MIB2: variants seen among roughly 807,000 people sequenced by gnomAD.
MIB2 encodes MIB E3 ubiquitin protein ligase 2, also known as E3 ubiquitin-protein ligase MIB2.
A neutral mutation model predicts 96.6 loss-of-function variants in MIB2; 78 were observed. The ratio of observed to expected loss-of-function variants is 0.81; its 90% CI spans 0.67 to 0.97. MIB2 has a LOEUF of 0.97. Among genes scored for constraint, MIB2 ranks in the 50% least tolerant of loss-of-function variants. The pLI is 0.00. For synonymous variants in MIB2, 820 were observed against 629.5 expected (o/e 1.30, Z -4.53); for missense variants, 1,543 against 1,424.0 (o/e 1.08, Z -1.35).
In MIB2 at chr1:1,624,937, C is replaced by CTG. The variant is rs1029398448; in HGVS notation, c.526+39_526+40dup. On this transcript the variant is annotated intron_variant, in intron 5 of 19. Coordinates refer to ENST00000355826, the MANE Select transcript of MIB2 (RefSeq NM_001170687.4). ...GCAGAGGGGCGGGGTCAGGGCTGGG[C>CTG]TGTGGCTGGCTCATGGCTCAGCCTT... 7 of 1,607,148 alleles carry CTG rather than the reference C, an allele frequency of 4.4e-6. No individual in the cohort carries two copies. In the African/African-American group the frequency reaches 8.0e-5, roughly 18 times the overall value.
In MIB2 at chr1:1,626,944, C is replaced by T. The variant is rs1644841119; in HGVS notation, c.1185C>T (p.Tyr395=). 6.2e-7 allele frequency: 1 copy of T among 1,611,022 alleles called. No individual in the cohort carries two copies. The highest frequency in any genetic ancestry group is 2.2e-5 in the East Asian group (1 of 44,836). The part of the protein sequence containing the change: ...WTFSPSCLVA[Y]RPEEDANLDV... The stretch of plus-strand genomic sequence containing the variant: ...TCAGCCCCTCCTGCCTGGTGGCCTA[C>T]CGGCCCGAGGAGGATGCCAACCTGG... Residue 395 remains tyrosine, a synonymous_variant, in exon 10 of 20, where the codon TAC becomes TAT. Transcript: ENST00000355826. This position sits in a 1 kb window ranked among gnomAD's most constrained non-coding sequence, Gnocchi z 5.3.
chr1:1,616,918 C>A (rs1474848537), intron 2 of MIB2: 1 of 332,444 alleles, frequency 3.0e-6, no homozygotes, highest in African/African-American at 2.2e-5. Context: ...TGGCCTGTTG[C>A]CTCACATGCA....
In MIB2 at chr1:1,625,209, C is replaced by T; in HGVS notation, c.721+24C>T. 6.2e-7 allele frequency: 1 copy of T among 1,603,274 alleles called. No homozygotes were observed. The highest frequency in any genetic ancestry group is 8.5e-7 in the Non-Finnish European group (1 of 1,174,252). On this transcript the variant is annotated intron_variant, in intron 6 of 19. Transcript: ENST00000355826. This position sits in a 1 kb window ranked among gnomAD's most constrained non-coding sequence, Gnocchi z 5.0. ...CGGTATGAGGCTGTCACACTGACTC[C>T]ATCAGCCCTCCTGCCTTGGCTGAAG...
Position 1,623,493 on chromosome 1 carries a change from G to T in MIB2, c.41G>T (p.Arg14Leu). The T allele has an allele frequency of 6.3e-7, 1 of 1,576,820 alleles. No individual in the cohort carries two copies. Among genetic ancestry groups the T allele is most frequent in the East Asian group, 2.3e-5 (1 of 42,602 alleles). ...CAGGCGGGCGTGCAGGTGGGCATGC[G>T]GGTGGTGCGCGGCGTGGACTGGAAG... ...DPQAGVQVGM[R>L]VVRGVDWKWG... Residue 14 changes from arginine (R) to leucine (L), a missense_variant, in exon 3 of 20, where the codon CGG becomes CTG. Coordinates refer to ENST00000355826, the MANE Select transcript of MIB2 (RefSeq NM_001170687.4).
intron 1 of MIB2, chr1:1,615,889 C>T: frequency 9.5e-7 from 1 of 1,055,400 alleles, no homozygotes; most frequent in Non-Finnish European, 1.1e-6. Context: ...CCGGGGCCAG[C>T]GGCGCTGGGG....
rs1295049269 is a variant in MIB2, at chr1:1,626,478, C to A, written c.973-172C>A. 2.3e-5 allele frequency: 14 copies of A among 604,570 alleles called. No individual in the cohort carries two copies. The allele number at this position is 604,570 out of a possible 1,614,324, so 37.5% of individuals were successfully genotyped here. ...GGGACACCCAGGGCTGCCTTGGACA[C>A]CTGGGGCTCTCGTCCAGCCAGAGCC... On this transcript the variant is annotated intron_variant, in intron 8 of 19. Coordinates refer to ENST00000355826, the MANE Select transcript of MIB2 (RefSeq NM_001170687.4). This position sits in a 1 kb window ranked among gnomAD's most constrained non-coding sequence, Gnocchi z 5.3.
chr1:1,624,828 G>T lies in MIB2; in HGVS notation c.453G>T (p.Arg151Ser), dbSNP rs1644585414. Residue 151 changes from arginine to serine, a missense_variant, in exon 5 of 20, where the codon AGG becomes AGT. Arg to Ser is a moderately radical substitution (Grantham distance 110). Transcript: ENST00000355826. ...TGAGTCCCCGCCAGGGCCTCCCGAG[G>T]ATCCCACTAAGGGGCATCTTCCAGG... is the stretch of plus-strand genomic sequence containing the variant. ...VTLSPRQGLP[R>S]IPLRGIFQGA... 1 of 1,612,992 alleles carries T rather than the reference G, an allele frequency of 6.2e-7. No homozygotes were observed. Among genetic ancestry groups the T allele is most frequent in the African/African-American group, 1.3e-5 (1 of 74,950 alleles).
In MIB2 at chr1:1,624,703, G is replaced by T. The variant is rs560843296; in HGVS notation, c.420-92G>T. On this transcript the variant is annotated intron_variant, in intron 4 of 19. Transcript: ENST00000355826. ...GCCCAGCAGGCTGGGTGGACAGGGG[G>T]CCTGCTCCACTGCATCGCTCTCCCA... is the stretch of plus-strand genomic sequence containing the variant. 4 of 1,205,920 alleles carry T rather than the reference G, an allele frequency of 3.3e-6. No homozygotes were observed. In the Admixed American group the frequency reaches 7.9e-5, roughly 24 times the overall value. The allele number at this position is 1,205,920 out of a possible 1,614,324, so 74.7% of individuals were successfully genotyped here. A position where few individuals can be genotyped will look rare whatever the true frequency, so the allele number is the denominator to read the frequency against.
chr1:1,626,472 TG>T lies in MIB2; in HGVS notation c.973-176del. ...GGGCTAGGGACACCCAGGGCTGCCT[TG>T]GACACCTGGGGCTCTCGTCCAGCCA... On this transcript the variant is annotated intron_variant, in intron 8 of 19. Coordinates refer to ENST00000355826, the MANE Select transcript of MIB2 (RefSeq NM_001170687.4). This position sits in a 1 kb window ranked among gnomAD's most constrained non-coding sequence, Gnocchi z 5.3. 1 of 594,106 alleles carries T rather than the reference TG, an allele frequency of 1.7e-6. No homozygotes were observed. Among genetic ancestry groups the T allele is most frequent in the Non-Finnish European group, 3.0e-6 (1 of 338,980 alleles). The allele number at this position is 594,106 out of a possible 1,614,324, so 36.8% of individuals were successfully genotyped here.
In MIB2 at chr1:1,627,054, A is replaced by C; in HGVS notation, c.1241-20A>C. Reference sequence around the variant, plus strand: ...GGTGGGGCTGCCCCTGGCCACCACTAACCTCAGCCCTGCCCCCAGGCTCAC... The same window carrying C: ...GGTGGGGCTGCCCCTGGCCACCACTCACCTCAGCCCTGCCCCCAGGCTCAC... On this transcript the variant is annotated intron_variant, in intron 10 of 19. Coordinates refer to ENST00000355826, the MANE Select transcript of MIB2 (RefSeq NM_001170687.4). 6.2e-7 allele frequency: 1 copy of C among 1,602,320 alleles called. No individual in the cohort carries two copies. The highest frequency in any genetic ancestry group is 2.3e-5 in the East Asian group (1 of 44,390).
chr1:1,621,801 G>A (rs77432776), intron 2 of MIB2, among the ~76,000 whole-genome samples: 18 of 151,838 alleles, frequency 1.2e-4, no homozygotes, highest in Admixed American at 3.9e-4. Context: ...GGCACGGATC[G>A]GGGGCACGGA....
chr1:1,624,955 T>C, intron 5 of MIB2, 36 bp from the exon 6 acceptor site: 3 of 1,606,636 alleles, frequency 1.9e-6, no homozygotes, highest in Non-Finnish European at 2.6e-6. Flanking sequence ...GGCTCATGGC[T>C]CAGCCTTAGC....
At chr1:1,619,788 G>A (rs1259401297) in intron 2 of MIB2, among the ~76,000 whole-genome samples, 2 of 152,214 alleles carry the variant, frequency 1.3e-5, no homozygotes, top group Non-Finnish European at 2.9e-5. Context: ...GTGAGGCCAG[G>A]GAGGAAGCCC....
chr1:1,615,062 A>G (rs1275725441), upstream of MIB2: 2 of 205,836 alleles, frequency 9.7e-6, no homozygotes, highest in Non-Finnish European at 9.8e-6. Flanking sequence ...CTAGCAGTGC[A>G]TTGTTCAGAA....
In MIB2 at chr1:1,630,307, C is replaced by T. The variant is rs1333467480; in HGVS notation, c.2645C>T (p.Ala882Val). The change falls in exon 20 of 20, where the codon GCG (alanine) becomes GTG (valine). Residue 882 changes from alanine to valine, a missense_variant. Coordinates refer to ENST00000355826, the MANE Select transcript of MIB2 (RefSeq NM_001170687.4). ...CACCCCGCAGACGGCTCTGAGGTGG[C>T]GAGCGCCGCCCCCGCCCCCGGCCCG... Reference protein sequence around the residue: ...KKLRPDGSEVASAAPAPGPPR... With the variant: ...KKLRPDGSEVVSAAPAPGPPR... 3 of 1,398,562 alleles carry T rather than the reference C, an allele frequency of 2.1e-6. No homozygotes were observed. Among genetic ancestry groups the T allele is most frequent in the Non-Finnish European group, 1.9e-6 (2 of 1,062,494 alleles). The allele number at this position is 1,398,562 out of a possible 1,614,324, so 86.6% of individuals were successfully genotyped here.
chr1:1,628,186 G>A lies in MIB2; in HGVS notation c.1841+7G>A, dbSNP rs372068996. ...CCCTCAAGGGTCACGCGCTGTGAGT[G>A]TGGGGTGGGCACACAGCTGCAGCCG... On this transcript the variant is annotated splice_region_variant and intron_variant, in intron 14 of 19. Coordinates refer to ENST00000355826, the MANE Select transcript of MIB2 (RefSeq NM_001170687.4). 3 of 1,612,826 alleles carry A rather than the reference G, an allele frequency of 1.9e-6. No homozygotes were observed. In the African/African-American group the frequency reaches 4.0e-5, roughly 22 times the overall value.
rs1284768304 is a variant in MIB2 at position 1,630,274 on chromosome 1, C to T, written c.2630-18C>T. On this transcript the variant is annotated intron_variant, in intron 19 of 19. Transcript: ENST00000355826. ...CCCCACCCGGCCTCCCAGCTCACAC[C>T]CGTCCCCCACCCCGCAGACGGCTCT... The T allele has an allele frequency of 1.4e-6, 2 of 1,407,534 alleles. No individual in the cohort carries two copies. The highest frequency in any genetic ancestry group is 9.5e-7 in the Non-Finnish European group (1 of 1,056,410). The allele number at this position is 1,407,534 out of a possible 1,614,324, so 87.2% of individuals were successfully genotyped here. A position where few individuals can be genotyped will look rare whatever the true frequency, so the allele number is the denominator to read the frequency against.
chr1:1,624,879 C>T lies in MIB2; in HGVS notation c.504C>T (p.Asp168=). ...GAGCGAAGGTGGTGCGAGGCCCCGA[C>T]TGGGAGTGGGGCTCACAGGATGGTG... is the stretch of plus-strand genomic sequence containing the variant. The part of the protein sequence containing the change: ...FQGAKVVRGP[D]WEWGSQDGGE... The change falls in exon 5 of 20, where the codon GAC becomes GAT. Residue 168 remains aspartate, a synonymous_variant. Coordinates refer to ENST00000355826, the MANE Select transcript of MIB2 (RefSeq NM_001170687.4). The T allele has an allele frequency of 6.2e-7, 1 of 1,613,004 alleles. No individual in the cohort carries two copies. Among genetic ancestry groups the T allele is most frequent in the Admixed American group, 1.7e-5 (1 of 60,002 alleles).
At chr1:1,622,291 G>A (rs1644330488) in intron 2 of MIB2, among the ~76,000 whole-genome samples, 1 of 152,256 alleles carries the variant, frequency 6.6e-6, no homozygotes, top group Non-Finnish European at 1.5e-5. Flanking sequence ...GAGTGTAGTG[G>A]TGCGATCACA....
Sources: gnomAD v4.1 joint callset for allele counts (sites outside exome capture counted in the v4.1 genomes callset) on GRCh38, gnomAD v4.1.1 for gene constraint, Gnocchi (gnomAD v3.1) non-coding constraint, MANE v1.5 for transcripts, NCBI Gene and HGNC (gene_info 2026-07-23, HGNC 2026-07-21) for gene names.